Variants in PCDH15 observed in about 807,000 individuals in gnomAD.
The protein encoded by PCDH15 is protocadherin related 15.
In PCDH15, 129 loss-of-function variants were observed where a neutral mutation model predicts 178.5. The ratio of observed to expected loss-of-function variants is 0.72; its 90% CI spans 0.63 to 0.84. The LOEUF (loss-of-function observed/expected upper bound fraction) is 0.84, where lower values mean the gene tolerates loss of function less well. Ranked by LOEUF, PCDH15 falls within the 40% of genes least tolerant of loss-of-function variation. The pLI is 0.00. For synonymous variants in PCDH15, 800 were observed against 732.0 expected, an observed-to-expected ratio of 1.09 and a Z score of -1.50; for missense variants, 2,230 against 2,099.9, an observed-to-expected ratio of 1.06 and a Z score of -1.21.
chr10:54,290,413 A>C (rs2059323139), intron 8 of PCDH15, among the ~76,000 whole-genome samples: 1 of 152,226 alleles, frequency 6.6e-6, no homozygotes. Context: ...GATGGAAAGA[A>C]ACAACCAATA....
intron 36 of PCDH15, 83 bp from the exon 37 acceptor site, chr10:53,810,747 T>C (rs2075834925): frequency 8.0e-7 from 1 of 1,247,484 alleles, no homozygotes; most frequent in Admixed American, 1.7e-5. Flanking sequence ...TCCTTCTTTT[T>C]CTTCCGCCAT....
intron 23 of PCDH15, among the ~76,000 whole-genome samples, chr10:53,948,676 G>A (rs1331775923): frequency 6.6e-6 from 1 of 152,166 alleles, no homozygotes; most frequent in African/African-American, 2.4e-5. Context: ...TACTTTCCAT[G>A]GAGATTGTGG....
chr10:53,868,834 T>C (rs1386160103), intron 26 of PCDH15, among the ~76,000 whole-genome samples: 1 of 152,188 alleles, frequency 6.6e-6, no homozygotes, highest in Non-Finnish European at 1.5e-5. Flanking sequence ...GTTAATATTC[T>C]CTTTTCTTTA....
intron 2 of PCDH15, among the ~76,000 whole-genome samples, chr10:55,061,560 A>G (rs527634153): frequency 6.6e-6 from 1 of 152,320 alleles, no homozygotes; most frequent in South Asian, 2.1e-4. Flanking sequence ...GTATTTACCC[A>G]AAGGAATTAA....
Position 55,226,371 on chromosome 10 carries a change from T to G in PCDH15, c.-155-59720A>C, listed in dbSNP as rs908081272. ...GTTTTTTTGTTTTGTTTTGTTTTTGTTTTTGTTTTTGTTTTTGAGACCGAG... is the reference window on the plus strand; with the variant it reads ...GTTTTTTTGTTTTGTTTTGTTTTTGGTTTTGTTTTTGTTTTTGAGACCGAG... On this transcript the variant is annotated intron_variant, in intron 1 of 5. Transcript: ENST00000458638. Among the ~76,000 whole-genome samples, 9 of 152,026 alleles carry G rather than the reference T, an allele frequency of 5.9e-5. No homozygotes were observed. The South Asian group carries it at 1.7e-3, about 28-fold the overall frequency.
At chr10:54,136,489 A>C (rs761589240) in intron 14 of PCDH15, among the ~76,000 whole-genome samples, 1 of 151,584 alleles carries the variant, frequency 6.6e-6, no homozygotes, top group East Asian at 1.9e-4. Context: ...TATTCTTTAG[A>C]TCTTCAGTTT....
intron 2 of PCDH15, among the ~76,000 whole-genome samples, chr10:55,463,979 GAA>G: frequency 4.0e-5 from 1 of 25,016 alleles, no homozygotes; most frequent in Non-Finnish European, 5.9e-5. Context: ...GAAAGAGAAA[GAA>G]AGAAAGAAAG....
At chr10:54,294,039 T>C (rs982002591) in intron 8 of PCDH15, among the ~76,000 whole-genome samples, 6 of 152,262 alleles carry the variant, frequency 3.9e-5, no homozygotes, top group African/African-American at 7.2e-5. Context: ...TGCAGCACTA[T>C]TCACAGTAGC....
At chr10:55,404,542 A>G (rs1440812174) in intron 2 of PCDH15, among the ~76,000 whole-genome samples, 1 of 151,960 alleles carries the variant, frequency 6.6e-6, no homozygotes, top group Non-Finnish European at 1.5e-5. Flanking sequence ...GTGGGGAGTC[A>G]TGGCTCTCAT....
intron 18 of PCDH15, among the ~76,000 whole-genome samples, chr10:54,065,662 C>A (rs2094123175): frequency 6.6e-6 from 1 of 152,242 alleles, no homozygotes; most frequent in Admixed American, 6.5e-5. Flanking sequence ...ATGCCTTATG[C>A]AGTATTTCCA....
intron 32 of PCDH15, among the ~76,000 whole-genome samples, chr10:53,824,652 C>CGAATCTTGAAA (rs1328285592): frequency 3.3e-5 from 5 of 152,008 alleles, no homozygotes; most frequent in Non-Finnish European, 5.9e-5. Context: ...TTTTACTCTT[C>CGAATCTTGAAA]GAATCTTGAA....
intron 3 of PCDH15, among the ~76,000 whole-genome samples, chr10:54,834,425 C>T (rs1052484832): frequency 6.6e-6 from 1 of 151,862 alleles, no homozygotes; most frequent in Non-Finnish European, 1.5e-5. Context: ...GTGATTCGCC[C>T]GCCTCAGCCT....
At position 54,082,906 on chromosome 10, in the gene PCDH15, T is replaced by C. The variant is rs541574008; in HGVS notation, c.1998-3482A>G. On this transcript the variant is annotated intron_variant, in intron 16 of 37. Coordinates refer to ENST00000644397, the MANE Select transcript of PCDH15 (RefSeq NM_001384140.1). ...ATATAAAGGATTACATAACTTAACA[T>C]CAAAAAGAAATCCCAATTTAAAAAT... Among the ~76,000 whole-genome samples the C allele has an allele frequency of 2.0e-5, 3 of 151,976 alleles. No individual in the cohort carries two copies. The East Asian group carries it at 5.8e-4, about 29-fold the overall frequency.
intron 2 of PCDH15, among the ~76,000 whole-genome samples, chr10:54,531,450 T>C (rs576381549): frequency 6.6e-6 from 1 of 152,284 alleles, no homozygotes; most frequent in Admixed American, 6.5e-5. Context: ...AAATAATGAC[T>C]GATCTCACAG....
In PCDH15 at chr10:54,153,090, T is replaced by C. The variant is rs1259252505; in HGVS notation, c.1784+10A>G. The C allele has an allele frequency of 7.4e-6, 12 of 1,613,624 alleles. No homozygotes were observed. The highest frequency in any genetic ancestry group is 1.0e-5 in the Non-Finnish European group (12 of 1,179,724). ...GATGAAAAGACTGCATTGGTTCTAATATAAATTACCTTCGCTCTGCAGGAG... is the reference window on the plus strand; with the variant it reads ...GATGAAAAGACTGCATTGGTTCTAACATAAATTACCTTCGCTCTGCAGGAG... On this transcript the variant is annotated intron_variant, in intron 14 of 37. Coordinates refer to ENST00000644397, the MANE Select transcript of PCDH15 (RefSeq NM_001384140.1).
intron 15 of PCDH15, among the ~76,000 whole-genome samples, chr10:54,116,617 A>G (rs924300352): frequency 3.9e-5 from 6 of 152,220 alleles, no homozygotes; most frequent in Non-Finnish European, 8.8e-5. Flanking sequence ...GATCAGAGTC[A>G]GAGTAAAGAG....
rs773563191 is a variant in PCDH15, at chr10:53,938,792, AAGCTTTAAGT to A, written c.3373+13_3373+22del. ...CAGAGACACCATACAATTCTGGTAA[AAGCTTTAAGT>A]AGTATAACTTACTTTTTGAAGGAAC... On this transcript the variant is annotated intron_variant, in intron 25 of 37. Coordinates refer to ENST00000644397, the MANE Select transcript of PCDH15 (RefSeq NM_001384140.1). 1.9e-5 allele frequency: 30 copies of A among 1,609,864 alleles called. No individual in the cohort carries two copies. The African/African-American group carries it at 3.6e-4, about 19-fold the overall frequency.
rs974451041 is a variant in PCDH15 at position 55,153,724 on chromosome 10, T to C, written c.-80+12852A>G. Among the ~76,000 whole-genome samples the C allele has an allele frequency of 2.6e-5, 4 of 152,112 alleles. No individual in the cohort carries two copies. In the East Asian group the frequency reaches 7.7e-4, roughly 29 times the overall value. ...TTTGTCTTCCACAAAACCAGTTTCA[T>C]GTAGTGAAAAGAACATGGGTATCAC... On this transcript the variant is annotated intron_variant, in intron 2 of 5. Coordinates refer to the PCDH15 transcript ENST00000458638.
intron 2 of PCDH15, among the ~76,000 whole-genome samples, chr10:54,659,866 C>T (rs2094464433): frequency 6.6e-6 from 1 of 151,186 alleles, no homozygotes; most frequent in African/African-American, 2.4e-5. Flanking sequence ...TTAAGGCAGA[C>T]ATAAGAAAAA....
Sources: allele counts gnomAD v4.1 joint callset (sites outside exome capture counted in the v4.1 genomes callset), GRCh38; gene constraint gnomAD v4.1.1; transcripts MANE v1.5; gene names NCBI Gene and HGNC (gene_info 2026-07-23, HGNC 2026-07-21).